Variants in CHEK1 observed in about 807,000 individuals in gnomAD.
CHEK1 encodes the protein checkpoint kinase 1.
A neutral mutation model predicts 60.2 loss-of-function variants in CHEK1; 32 were observed. The ratio of observed to expected loss-of-function variants is 0.53; its 90% CI spans 0.40 to 0.71. The LOEUF is 0.71. Among genes scored for constraint, CHEK1 ranks in the 30% least tolerant of loss-of-function variants. The pLI, the probability that CHEK1 is intolerant of heterozygous loss-of-function variation, is 0.00. For synonymous variants in CHEK1, 179 were observed against 187.2 expected, an observed-to-expected ratio of 0.96 and a Z score of 0.36; for missense variants, 399 against 564.6, an observed-to-expected ratio of 0.71 and a Z score of 2.97.
intron 13 of CHEK1, chr11:125,671,974 G>A (rs1942214248): frequency 2.0e-5 from 3 of 152,168 alleles, no homozygotes; most frequent in African/African-American, 7.2e-5. Context: ...ATGAACTGCT[G>A]CAATATATAG....
intron 1 of CHEK1, 80 bp downstream of exon 1, chr11:125,626,092 T>G (rs1591388428): frequency 1.5e-6 from 1 of 656,056 alleles, no homozygotes; most frequent in Non-Finnish European, 2.8e-6. Flanking sequence ...GAGGGCATGG[T>G]GGGAGAAAGT....
intron 13 of CHEK1, among the ~76,000 whole-genome samples, chr11:125,673,474 TAC>T (rs36034937): frequency 0.3 from 45,784 of 151,850 alleles, 7,064 homozygotes; most frequent in South Asian, 0.42. Context: ...GCGCTGGGAT[TAC>T]AGGCGTGAGC....
At chr11:125,644,809 G>C (rs968094527) in intron 11 of CHEK1, among the ~76,000 whole-genome samples, 166 bp downstream of exon 11, 3 of 152,110 alleles carry the variant, frequency 2.0e-5, no homozygotes, top group Non-Finnish European at 4.4e-5. Flanking sequence ...AGGGGTTCGA[G>C]ACCAGCCTGG....
downstream of CHEK1, among the ~76,000 whole-genome samples, chr11:125,660,861 C>T (rs111996925): frequency 0.11 from 17,374 of 151,920 alleles, 1,217 homozygotes; most frequent in Admixed American, 0.23. Context: ...CTGCAACCTC[C>T]GCCTCCTGGG....
At chr11:125,680,901 A>C, downstream of CHEK1, 1 of 798,738 alleles carries the variant, frequency 1.3e-6, no homozygotes, top group Non-Finnish European at 2.1e-6. Context: ...CTAGAACCTC[A>C]GAAGTAACCC....
At chr11:125,680,286 C>CT (rs1265976499), downstream of CHEK1, among the ~76,000 whole-genome samples, 1 of 152,172 alleles carries the variant, frequency 6.6e-6, no homozygotes, top group Non-Finnish European at 1.5e-5. Flanking sequence ...GAAGAAGAGG[C>CT]TTATGAAGTC....
chr11:125,630,636 T>A (rs1233119648), intron 5 of CHEK1, among the ~76,000 whole-genome samples: 4 of 152,280 alleles, frequency 2.6e-5, no homozygotes, highest in Admixed American at 2.6e-4. Context: ...CTTATGTGCA[T>A]ATGGATTTTA....
At chr11:125,678,206 G>A (rs759828113), downstream of CHEK1, 1 of 1,614,188 alleles carries the variant, frequency 6.2e-7, no homozygotes, top group Non-Finnish European at 8.5e-7. Context: ...CATCAGAAGG[G>A]TTTTCAAGTG....
At chr11:125,644,726 T>A in intron 11 of CHEK1, 83 bp downstream of exon 11, 2 of 1,444,596 alleles carry the variant, frequency 1.4e-6, no homozygotes, top group Non-Finnish European at 9.4e-7. Flanking sequence ...GTATATTTTT[T>A]AAATATAGGC....
chr11:125,653,874 T>C lies in CHEK1; in HGVS notation c.1335+27T>C. 1 of 1,294,108 alleles carries C rather than the reference T, an allele frequency of 7.7e-7. No homozygotes were observed. The highest frequency in any genetic ancestry group is 2.2e-5 in the Admixed American group (1 of 45,658). The allele number at this position is 1,294,108 out of a possible 1,614,324, so 80.2% of individuals were successfully genotyped here. A position where few individuals can be genotyped will look rare whatever the true frequency, so the allele number is the denominator to read the frequency against. ...TATTTTTATGTTTTATTGTATTCTT[T>C]CTATGGAAATATTTCTATATGAATT... is the stretch of plus-strand genomic sequence containing the variant. On this transcript the variant is annotated intron_variant, in intron 12 of 12. Transcript: ENST00000438015. This position sits in a 1 kb window ranked among gnomAD's most constrained non-coding sequence, Gnocchi z 4.3.
chr11:125,654,452 A>G (rs554928149), intron 12 of CHEK1, among the ~76,000 whole-genome samples: 29 of 152,272 alleles, frequency 1.9e-4, no homozygotes, highest in African/African-American at 7.0e-4. Flanking sequence ...ATTTTTCTTA[A>G]TTTATGTCTT....
Position 125,653,707 on chromosome 11 carries a change from A to T in CHEK1, c.1234-39A>T. On this transcript the variant is annotated intron_variant, in intron 11 of 12. Transcript: ENST00000438015. The surrounding 1 kb of genome is among the most constrained non-coding windows in gnomAD (Gnocchi z 4.3). Reference sequence around the variant, plus strand: ...TAGTGGGTTTACTAGTTTATTATCTACTCACCCATGTGGCTTAACCTTATT... The same window carrying T: ...TAGTGGGTTTACTAGTTTATTATCTTCTCACCCATGTGGCTTAACCTTATT... 2.1e-6 allele frequency: 2 copies of T among 974,876 alleles called. No homozygotes were observed. The highest frequency in any genetic ancestry group is 3.2e-6 in the Non-Finnish European group (2 of 623,628). 60.4% of individuals were successfully genotyped at this position (974,876 alleles called of 1,614,324 possible). A position where few individuals can be genotyped will look rare whatever the true frequency, so the allele number is the denominator to read the frequency against.
chr11:125,676,409 G>A (rs193921098), downstream of CHEK1: 6 of 1,613,956 alleles, frequency 3.7e-6, no homozygotes, highest in African/African-American at 1.3e-5. Flanking sequence ...AGTGATGCAG[G>A]TTCCCTCTCC....
intron 8 of CHEK1, among the ~76,000 whole-genome samples, chr11:125,638,619 G>A (rs527307616): frequency 1.3e-5 from 2 of 152,264 alleles, no homozygotes; most frequent in South Asian, 4.2e-4. Flanking sequence ...CTCTGAAGCG[G>A]TAGGTGTTTT....
At chr11:125,652,008 T>C (rs1941754906) in intron 11 of CHEK1, among the ~76,000 whole-genome samples, 1 of 152,250 alleles carries the variant, frequency 6.6e-6, no homozygotes, top group Non-Finnish European at 1.5e-5. Context: ...AATTCAGATG[T>C]GTTGAGTTGA....
chr11:125,680,624 A>T, downstream of CHEK1: 1 of 1,004,586 alleles, frequency 1.0e-6, no homozygotes. Context: ...ATTCTGACTC[A>T]GATTGGTTTG....
downstream of CHEK1, among the ~76,000 whole-genome samples, chr11:125,679,455 T>G (rs1206039402): frequency 1.3e-5 from 2 of 152,254 alleles, no homozygotes; most frequent in East Asian, 3.9e-4. Flanking sequence ...TGACCTCAAG[T>G]GATCCGCCCG....
intron 5 of CHEK1, among the ~76,000 whole-genome samples, chr11:125,629,677 T>C (rs1023875423): frequency 1.3e-5 from 2 of 151,944 alleles, no homozygotes; most frequent in African/African-American, 4.8e-5. Flanking sequence ...GCGGATCAGG[T>C]AGAGAAATCT....
At chr11:125,679,304 G>A (rs138279137), downstream of CHEK1, among the ~76,000 whole-genome samples, 590 of 143,752 alleles carry the variant, frequency 4.1e-3, 1 homozygote, top group African/African-American at 0.014. Flanking sequence ...TGCAACCTCC[G>A]CCTCCCGGGT....
Sources: gnomAD v4.1 joint callset for allele counts (sites outside exome capture counted in the v4.1 genomes callset) on GRCh38, gnomAD v4.1.1 for gene constraint, Gnocchi (gnomAD v3.1) non-coding constraint, MANE v1.5 for transcripts, NCBI Gene and HGNC (gene_info 2026-07-23, HGNC 2026-07-21) for gene names.